The following GGCX variants were observed in gnomAD, a reference collection of about 807,000 sequenced individuals.
The protein encoded by GGCX is gamma-glutamyl carboxylase, also known as vitamin K-dependent gamma-carboxylase.
A neutral mutation model predicts 88.5 loss-of-function variants in GGCX; 63 were observed. The observed-to-expected ratio is 0.71, with a 90% confidence interval of 0.58 to 0.88. The LOEUF is 0.88. Among genes scored for constraint, GGCX ranks in the 40% least tolerant of loss-of-function variants. The probability of loss-of-function intolerance (pLI) is 0.00; values close to 1 mark genes in which losing one functional copy is unlikely to be tolerated. For missense variants in GGCX, 805 were observed against 932.9 expected (o/e 0.86, Z 1.79); for synonymous variants, 368 against 365.8 (o/e 1.01, Z -0.07).
chr2:85,559,501 T>C (rs1412671727), intron 2 of GGCX, among the ~76,000 whole-genome samples: 1 of 151,450 alleles, frequency 6.6e-6, no homozygotes, highest in African/African-American at 2.4e-5. Flanking sequence ...TCACCTGAGG[T>C]TGGGAGTTCG....
rs1457410438 is a variant in GGCX, at chr2:85,553,392, G to A, written c.995C>T (p.Pro332Leu). The A allele has an allele frequency of 1.2e-6, 2 of 1,614,142 alleles. No homozygotes were observed. The highest frequency in any genetic ancestry group is 1.3e-5 in the African/African-American group (1 of 75,038). The change falls in exon 8 of 15, where the codon CCC becomes CTC. Residue 332 changes from proline to leucine, a missense_variant. Transcript: ENST00000233838. Reference protein sequence around the residue: ...YCPRRLQQLLPLKAAPQPSVS... With the variant: ...YCPRRLQQLLLLKAAPQPSVS... ...ACTGGGCTGAGGGGCTGCCTTGAGGGGCAACAGTTGTTGCAACCTTCGGGG... is the reference window on the plus strand; with the variant it reads ...ACTGGGCTGAGGGGCTGCCTTGAGGAGCAACAGTTGTTGCAACCTTCGGGG...
Position 85,549,949 on chromosome 2 carries a change from G to C in GGCX, c.2262C>G (p.Val754=). The change falls in exon 15 of 15, where the codon GTC becomes GTG. Residue 754 remains valine, a synonymous_variant. Coordinates refer to ENST00000233838, the MANE Select transcript of GGCX (RefSeq NM_000821.7). ...CTGGCCCCCTTCAGAACTCTGAGTG[G>C]ACAGGATCAGGATTTGACTCAGGAG... ...SNPPESNPDP[V]HSEF is the part of the protein sequence containing the mutation. 1.2e-6 allele frequency: 2 copies of C among 1,612,768 alleles called. No individual in the cohort carries two copies. The highest frequency in any genetic ancestry group is 2.7e-5 in the African/African-American group (2 of 74,922).
rs766005676 is a variant in GGCX at position 85,545,489 on chromosome 2, A to G, written c.*4445T>C. The G allele has an allele frequency of 6.6e-5, 10 of 152,298 alleles. No individual in the cohort carries two copies. The highest frequency in any genetic ancestry group is 9.6e-5 in the African/African-American group (4 of 41,554). 9.4% of individuals were successfully genotyped at this position (152,298 alleles called of 1,614,324 possible). A position where few individuals can be genotyped will look rare whatever the true frequency, so the allele number is the denominator to read the frequency against. ...ATCATATGAATAACCTGAGAATACT[A>G]TATGTGTATCTTTAACCTTGAATTG... On this transcript the variant is annotated 3_prime_UTR_variant, in exon 15 of 15. Coordinates refer to ENST00000233838, the MANE Select transcript of GGCX (RefSeq NM_000821.7).
rs922708877 is a variant in GGCX, at chr2:85,547,631, T to C, written c.*2303A>G. On this transcript the variant is annotated 3_prime_UTR_variant, in exon 15 of 15. Transcript: ENST00000233838. Reference sequence around the variant, plus strand: ...CAACATAGTGGCAAAGTATCTTCTATTGTGTTACTATGAGAGAAGATCTGC... The same window carrying C: ...CAACATAGTGGCAAAGTATCTTCTACTGTGTTACTATGAGAGAAGATCTGC... The C allele has an allele frequency of 1.3e-5, 2 of 152,216 alleles. No homozygotes were observed. Among genetic ancestry groups the C allele is most frequent in the African/African-American group, 4.8e-5 (2 of 41,450 alleles). 9.4% of individuals were successfully genotyped at this position (152,216 alleles called of 1,614,324 possible). A position where few individuals can be genotyped will look rare whatever the true frequency, so the allele number is the denominator to read the frequency against.
rs5832649 is a variant in GGCX, at chr2:85,549,367, C to CTTTA, written c.*563_*566dup. 79,665 of 157,574 alleles carry CTTTA rather than the reference C, an allele frequency of 0.51. 21,210 individuals are homozygous for CTTTA. Among genetic ancestry groups the CTTTA allele is most frequent in the African/African-American group, 0.68 (28,111 of 41,194 alleles). 9.8% of individuals were successfully genotyped at this position (157,574 alleles called of 1,614,324 possible). A position where few individuals can be genotyped will look rare whatever the true frequency, so the allele number is the denominator to read the frequency against. ...TTAAATTGCTTTTCCCCAAGAGCCA[C>CTTTA]TTTATTTATTTATTTTGAGACGAAG... On this transcript the variant is annotated 3_prime_UTR_variant, in exon 15 of 15. Transcript: ENST00000233838.
chr2:85,558,279 C>G (rs967560929), intron 4 of GGCX, among the ~76,000 whole-genome samples, 161 bp downstream of exon 4: 4 of 152,200 alleles, frequency 2.6e-5, no homozygotes, highest in Non-Finnish European at 5.9e-5. Flanking sequence ...AGCGCTCCAA[C>G]TAGTTGGCCC....
At chr2:85,551,199 T>G in intron 12 of GGCX, 127 bp from the exon 13 acceptor site, 2 of 965,998 alleles carry the variant, frequency 2.1e-6, no homozygotes, top group Non-Finnish European at 3.3e-6. Context: ...AACGGACCTC[T>G]AGAATCCTGG....
intron 2 of GGCX, among the ~76,000 whole-genome samples, chr2:85,559,785 A>G (rs1212480753): frequency 6.6e-6 from 1 of 152,102 alleles, no homozygotes; most frequent in Non-Finnish European, 1.5e-5. Context: ...TTCCTGGCAC[A>G]CTCCAAAAAC....
In GGCX at chr2:85,553,047, C is replaced by T; in HGVS notation, c.1179G>A (p.Gly393=). The change falls in exon 9 of 15, where the codon GGG becomes GGA. Residue 393 remains glycine, a synonymous_variant. Coordinates refer to ENST00000233838, the MANE Select transcript of GGCX (RefSeq NM_000821.7). ...LTQGYNNWTN[G]LYGYSWDMMV... ...TCATGTCCCAGGAATAGCCATACAG[C>T]CCATTTGTCCAGTTGTTATAGCCCT... is the stretch of plus-strand genomic sequence containing the variant. 3 of 1,614,162 alleles carry T rather than the reference C, an allele frequency of 1.9e-6. No homozygotes were observed. The highest frequency in any genetic ancestry group is 2.5e-6 in the Non-Finnish European group (3 of 1,179,998).
At chr2:85,561,124 A>C in intron 1 of GGCX, 139 bp from the exon 2 acceptor site, 1 of 776,194 alleles carries the variant, frequency 1.3e-6, no homozygotes, top group Non-Finnish European at 2.3e-6. Flanking sequence ...TGACTATAGG[A>C]AACATCCCTG....
rs542684610 is a variant in GGCX at position 85,549,606 on chromosome 2, C to T, written c.*328G>A. 1.2e-5 allele frequency: 4 copies of T among 338,890 alleles called. No individual in the cohort carries two copies. In the East Asian group the frequency reaches 2.4e-4, roughly 20 times the overall value. The allele number at this position is 338,890 out of a possible 1,614,324, so 21.0% of individuals were successfully genotyped here. On this transcript the variant is annotated 3_prime_UTR_variant, in exon 15 of 15. Coordinates refer to ENST00000233838, the MANE Select transcript of GGCX (RefSeq NM_000821.7). ...GAACTCCTGGCCTCAAGTGATCTGC[C>T]CACCTCAGCCTCCCAAAATGCTGGG...
chr2:85,550,249 C>T, intron 14 of GGCX, 123 bp from the exon 15 acceptor site: 1 of 742,794 alleles, frequency 1.3e-6, no homozygotes, highest in East Asian at 2.7e-5. Context: ...GGAATCTCCC[C>T]CCAAGTGACC....
In GGCX at chr2:85,553,457, G is replaced by T; in HGVS notation, c.930C>A (p.Phe310Leu). Residue 310 changes from phenylalanine (F) to leucine (L), a missense_variant, in exon 8 of 15, where the codon TTC (phenylalanine) becomes TTA (leucine). Physicochemically the swap from Phe to Leu is conservative, Grantham distance 22 (BLOSUM62 0). Around this residue, in one of 3 missense-constraint regions of GGCX, gnomAD observed 680 missense variants for 763.7 expected, o/e 0.89. Transcript: ENST00000233838. ...SYVMLASSPL[F>L]CSPEWPRKLV... Reference sequence around the variant, plus strand: ...GCTTCCGAGGCCACTCAGGGGAGCAGAAGAGAGGGCTGCTGGCCAGCATGA... The same window carrying T: ...GCTTCCGAGGCCACTCAGGGGAGCATAAGAGAGGGCTGCTGGCCAGCATGA... 6.2e-7 allele frequency: 1 copy of T among 1,613,970 alleles called. No homozygotes were observed. The highest frequency in any genetic ancestry group is 8.5e-7 in the Non-Finnish European group (1 of 1,179,994).
At chr2:85,556,809 C>T (rs1346105688) in intron 4 of GGCX, among the ~76,000 whole-genome samples, 1 of 152,160 alleles carries the variant, frequency 6.6e-6, no homozygotes, top group African/African-American at 2.4e-5. Flanking sequence ...AGAAGCAAAG[C>T]AAGTTTTCAA....
At position 85,554,140 on chromosome 2, in the gene GGCX, G is replaced by C. The variant is rs1692100387; in HGVS notation, c.889+3C>G. On this transcript the variant is annotated splice_donor_region_variant and intron_variant, in intron 7 of 14. Coordinates refer to ENST00000233838, the MANE Select transcript of GGCX (RefSeq NM_000821.7). ...TGTTTCCTCCCAGGCTACAGGTACT[G>C]ACCAATGCTGAAAAGCTGGGAATTC... 2.5e-6 allele frequency: 4 copies of C among 1,609,810 alleles called. No individual in the cohort carries two copies. The highest frequency in any genetic ancestry group is 2.6e-6 in the Non-Finnish European group (3 of 1,176,088).
intron 3 of GGCX, 116 bp downstream of exon 3, chr2:85,558,801 T>G: frequency 1.0e-6 from 1 of 994,322 alleles, no homozygotes; most frequent in Non-Finnish European, 1.6e-6. Context: ...GTCAACAGCA[T>G]GAAATTGATC....
intron 7 of GGCX, chr2:85,553,852 C>T (rs1573324532): frequency 1.3e-5 from 6 of 478,942 alleles, no homozygotes; most frequent in East Asian, 1.3e-4. Flanking sequence ...CCACCCACCT[C>T]GGCCTCCCAA....
In GGCX at chr2:85,554,150, G is replaced by T; in HGVS notation, c.882C>A (p.Phe294Leu). 1 of 1,612,218 alleles carries T rather than the reference G, an allele frequency of 6.2e-7. No homozygotes were observed. The highest frequency in any genetic ancestry group is 1.1e-5 in the South Asian group (1 of 91,032). The change falls in exon 7 of 15, where the codon TTC becomes TTA. Residue 294 changes from phenylalanine (F) to leucine (L), a missense_variant. Phe to Leu is a conservative substitution (Grantham distance 22, BLOSUM62 0). This residue lies in a region of GGCX where 680 missense variants were observed against 763.7 expected (regional missense o/e 0.89). Transcript: ENST00000233838. ...CAGGCTACAGGTACTGACCAATGCT[G>T]AAAAGCTGGGAATTCATGCAGTGGA... ...SYFHCMNSQL[F>L]SIGMFSYVML...
In GGCX at chr2:85,545,489, A is replaced by T. The variant is rs766005676; in HGVS notation, c.*4445T>A. 6.6e-6 allele frequency: 1 copy of T among 152,180 alleles called. No homozygotes were observed. Among genetic ancestry groups the T allele is most frequent in the Admixed American group, 6.5e-5 (1 of 15,272 alleles). 9.4% of individuals were successfully genotyped at this position (152,180 alleles called of 1,614,324 possible). ...ATCATATGAATAACCTGAGAATACT[A>T]TATGTGTATCTTTAACCTTGAATTG... is the stretch of plus-strand genomic sequence containing the variant. On this transcript the variant is annotated 3_prime_UTR_variant, in exon 15 of 15. Transcript: ENST00000233838.
Sources: allele counts gnomAD v4.1 joint callset (sites outside exome capture counted in the v4.1 genomes callset), GRCh38; gene constraint gnomAD v4.1.1; regional missense constraint gnomAD v4.1.1; transcripts MANE v1.5; gene names NCBI Gene and HGNC (gene_info 2026-07-23, HGNC 2026-07-21).